The following SCAPER variants were observed in gnomAD, a reference collection of about 807,000 sequenced individuals.
The protein encoded by SCAPER is S phase cyclin A-associated protein in the endoplasmic reticulum.
SCAPER carries 98 observed loss-of-function variants against 182.2 expected under a neutral mutation model. The ratio of observed to expected loss-of-function variants is 0.54; its 90% CI spans 0.46 to 0.64. The LOEUF (loss-of-function observed/expected upper bound fraction) is 0.64, where lower values mean the gene tolerates loss of function less well. SCAPER is among the 30% of genes least tolerant of loss of function. The pLI is 0.00. For missense variants in SCAPER, 1,432 were observed against 1,690.0 expected, an observed-to-expected ratio of 0.85 and a Z score of 2.68; for synonymous variants, 605 against 564.6, an observed-to-expected ratio of 1.07 and a Z score of -1.01.
chr15:76,571,995 T>G (rs1193254248), intron 23 of SCAPER, among the ~76,000 whole-genome samples: 2 of 152,170 alleles, frequency 1.3e-5, no homozygotes, highest in Admixed American at 6.5e-5. Context: ...AACTCTTAGG[T>G]GGTCCTGCAG....
At chr15:76,853,381 A>G (rs777173646) in intron 4 of SCAPER, among the ~76,000 whole-genome samples, 1 of 152,212 alleles carries the variant, frequency 6.6e-6, no homozygotes, top group Non-Finnish European at 1.5e-5. Context: ...ACACGAAAAG[A>G]AACTTCAGGC....
chr15:76,525,045 A>G (rs1293722686), intron 23 of SCAPER, among the ~76,000 whole-genome samples: 5 of 152,118 alleles, frequency 3.3e-5, no homozygotes, highest in Non-Finnish European at 7.4e-5. Flanking sequence ...TTAATTAGTC[A>G]CTGTTAGAAT....
At chr15:76,890,357 C>A (rs1163028970) in intron 1 of SCAPER, among the ~76,000 whole-genome samples, 1 of 151,942 alleles carries the variant, frequency 6.6e-6, no homozygotes, top group Non-Finnish European at 1.5e-5. Context: ...AAAAACCCTT[C>A]AAAAAATAAA....
intron 21 of SCAPER, among the ~76,000 whole-genome samples, chr15:76,655,667 G>T (rs1372466032): frequency 1.3e-5 from 2 of 152,162 alleles, no homozygotes; most frequent in African/African-American, 4.8e-5. Flanking sequence ...AAGAGAGAAG[G>T]GGCAGTCACC....
At chr15:76,804,400 T>G in intron 6 of SCAPER, 133 bp downstream of exon 6, 2 of 562,676 alleles carry the variant, frequency 3.6e-6, no homozygotes, top group South Asian at 2.6e-5. Flanking sequence ...TTTAATTGAA[T>G]GAGAAATGCA....
chr15:76,685,164 A>C (rs1409354179), intron 20 of SCAPER, among the ~76,000 whole-genome samples: 1 of 152,064 alleles, frequency 6.6e-6, no homozygotes, highest in Middle Eastern at 3.2e-3. Flanking sequence ...TAGAAAAAGA[A>C]GCTTCCTTAA....
chr15:76,870,340 T>G (rs1568376371), intron 2 of SCAPER, among the ~76,000 whole-genome samples: 1 of 152,094 alleles, frequency 6.6e-6, no homozygotes, highest in Non-Finnish European at 1.5e-5. Context: ...AATTATCACA[T>G]GTACCCCAAA....
At chr15:76,583,105 C>T (rs2048376988) in intron 22 of SCAPER, among the ~76,000 whole-genome samples, 1 of 152,082 alleles carries the variant, frequency 6.6e-6, no homozygotes, top group Non-Finnish European at 1.5e-5. Flanking sequence ...GTAATCCCAG[C>T]ACTTTGGGAG....
intron 2 of SCAPER, among the ~76,000 whole-genome samples, chr15:76,872,522 T>A (rs1184284955): frequency 6.6e-6 from 1 of 151,920 alleles, no homozygotes; most frequent in East Asian, 1.9e-4. Context: ...ACGGACATGA[T>A]AAACGTCAGT....
At chr15:76,471,457 C>G in intron 24 of SCAPER, 122 bp from the exon 25 acceptor site, 1 of 1,111,198 alleles carries the variant, frequency 9.0e-7, no homozygotes, top group Non-Finnish European at 1.2e-6. Flanking sequence ...CTCTAAAAAC[C>G]AAGCCAAATA....
At chr15:76,509,262 T>C (rs940224586) in intron 23 of SCAPER, among the ~76,000 whole-genome samples, 2 of 152,318 alleles carry the variant, frequency 1.3e-5, no homozygotes, top group South Asian at 2.1e-4. Context: ...GATTATCCCC[T>C]CTTCTTCAGC....
chr15:76,707,200 TAAG>T, intron 17 of SCAPER, among the ~76,000 whole-genome samples: 1 of 152,096 alleles, frequency 6.6e-6, no homozygotes, highest in South Asian at 2.1e-4. Context: ...GGTGGTTTAA[TAAG>T]AACAAAAGGT....
At chr15:76,669,802 C>A (rs1336833174) in intron 20 of SCAPER, among the ~76,000 whole-genome samples, 4 of 152,184 alleles carry the variant, frequency 2.6e-5, no homozygotes, top group African/African-American at 7.2e-5. Context: ...AGGCTAGTCT[C>A]CGACATGTGA....
intron 22 of SCAPER, among the ~76,000 whole-genome samples, chr15:76,587,923 T>G (rs892392281): frequency 6.7e-6 from 1 of 149,484 alleles, no homozygotes; most frequent in South Asian, 2.1e-4. Flanking sequence ...TTCTTTTTCT[T>G]TTCTTTTTTT....
intron 17 of SCAPER, among the ~76,000 whole-genome samples, chr15:76,716,745 A>C (rs769514985): frequency 1.1e-4 from 16 of 152,026 alleles, no homozygotes; most frequent in Non-Finnish European, 2.2e-4. Context: ...GACTCAGAAG[A>C]GAAGAAAAAG....
At chr15:76,710,401 G>A (rs2059498296) in intron 17 of SCAPER, among the ~76,000 whole-genome samples, 1 of 152,074 alleles carries the variant, frequency 6.6e-6, no homozygotes, top group Non-Finnish European at 1.5e-5. Flanking sequence ...ATCATAAGTT[G>A]AGGAACATCT....
At chr15:76,717,418 C>T (rs868626172) in intron 17 of SCAPER, among the ~76,000 whole-genome samples, 2 of 152,118 alleles carry the variant, frequency 1.3e-5, no homozygotes, top group South Asian at 4.1e-4. Context: ...GTAAACCACA[C>T]GTATCTCTAT....
chr15:76,756,072 G>A (rs555797009), intron 14 of SCAPER, among the ~76,000 whole-genome samples: 6 of 151,892 alleles, frequency 4.0e-5, no homozygotes, highest in South Asian at 2.1e-4. Flanking sequence ...GTGAAACCTC[G>A]TCTCTACCAA....
intron 14 of SCAPER, 105 bp from the exon 15 acceptor site, chr15:76,754,053 A>C (rs1598524735): frequency 1.6e-6 from 2 of 1,226,536 alleles, no homozygotes; most frequent in East Asian, 4.8e-5. Context: ...AAGCGTGGAA[A>C]AATGTGCAGC....
Sources: allele counts gnomAD v4.1 joint callset (sites outside exome capture counted in the v4.1 genomes callset), GRCh38; gene constraint gnomAD v4.1.1; transcripts MANE v1.5; gene names NCBI Gene and HGNC (gene_info 2026-07-23, HGNC 2026-07-21).